The following FHIT variants were observed in gnomAD, a reference collection of about 807,000 sequenced individuals.
FHIT encodes fragile histidine triad diadenosine triphosphatase.
FHIT carries 19 observed loss-of-function variants against 17.9 expected under a neutral mutation model. The ratio of observed to expected loss-of-function variants is 1.06; its 90% CI spans 0.74 to 1.56. FHIT has a LOEUF of 1.56. Ranked by LOEUF, FHIT falls within the 40% of genes most tolerant of loss-of-function variation. The pLI, the probability that FHIT is intolerant of heterozygous loss-of-function variation, is 0.00. For missense variants in FHIT, 248 were observed against 189.2 expected, an observed-to-expected ratio of 1.31 and a Z score of -1.82; for synonymous variants, 81 against 69.7, an observed-to-expected ratio of 1.16 and a Z score of -0.81.
chr3:59,865,316 C>T (rs1229706818), intron 8 of FHIT, among the ~76,000 whole-genome samples: 2 of 152,228 alleles, frequency 1.3e-5, no homozygotes, highest in African/African-American at 4.8e-5. Flanking sequence ...AGTATTTAAA[C>T]ATAAATCCTT....
At chr3:61,183,222 T>C (rs1466963959) in intron 2 of FHIT, among the ~76,000 whole-genome samples, 4 of 152,106 alleles carry the variant, frequency 2.6e-5, no homozygotes, top group African/African-American at 7.2e-5. Context: ...AATTCTCTCA[T>C]CATCTTTCTA....
chr3:60,057,945 TGCACGGCAAACA>T (rs147549285), intron 5 of FHIT, among the ~76,000 whole-genome samples: 10,283 of 152,050 alleles, frequency 0.068, 717 homozygotes, highest in African/African-American at 0.18. Flanking sequence ...ACTGGTTTTC[TGCACGGCAAACA>T]GCAGGACCTA....
At chr3:60,541,718 G>T (rs1436035103) in intron 4 of FHIT, among the ~76,000 whole-genome samples, 1 of 152,188 alleles carries the variant, frequency 6.6e-6, no homozygotes, top group African/African-American at 2.4e-5. Flanking sequence ...TCCTAAAAAA[G>T]AGCTGGCTTG....
chr3:59,791,792 GGCTAT>G (rs1334721278), intron 8 of FHIT, among the ~76,000 whole-genome samples: 4 of 152,078 alleles, frequency 2.6e-5, no homozygotes, highest in Non-Finnish European at 4.4e-5. Flanking sequence ...TGTCAATAAG[GGCTAT>G]GTATCTTTTG....
chr3:59,983,459 C>G (rs1171034309), intron 7 of FHIT, among the ~76,000 whole-genome samples: 1 of 152,042 alleles, frequency 6.6e-6, no homozygotes. Flanking sequence ...TAACTTTGTA[C>G]TACAATATAT....
chr3:60,172,126 C>T (rs1045660950), intron 5 of FHIT, among the ~76,000 whole-genome samples: 6 of 152,074 alleles, frequency 3.9e-5, no homozygotes, highest in African/African-American at 1.2e-4. Flanking sequence ...CAACAAAAGG[C>T]GCATGGCTCT....
chr3:60,559,509 G>C (rs547569702), intron 4 of FHIT, among the ~76,000 whole-genome samples: 3 of 152,076 alleles, frequency 2.0e-5, no homozygotes, highest in Non-Finnish European at 4.4e-5. Context: ...CATTTAATAA[G>C]GTTTTTATTA....
At chr3:61,125,097 G>T (rs948906355) in intron 2 of FHIT, among the ~76,000 whole-genome samples, 1 of 152,192 alleles carries the variant, frequency 6.6e-6, no homozygotes, top group African/African-American at 2.4e-5. Context: ...ACAAAAGAAA[G>T]GTTTTTCCCT....
intron 5 of FHIT, among the ~76,000 whole-genome samples, chr3:60,086,306 T>A (rs536423874): frequency 6.6e-6 from 1 of 152,194 alleles, no homozygotes; most frequent in Admixed American, 6.5e-5. Flanking sequence ...CCTCCCATCA[T>A]TGGGGATCAA....
At chr3:59,914,616 T>C (rs1415895874) in intron 8 of FHIT, among the ~76,000 whole-genome samples, 1 of 152,214 alleles carries the variant, frequency 6.6e-6, no homozygotes, top group Non-Finnish European at 1.5e-5. Flanking sequence ...TGTATTAATT[T>C]TTATCTTCTG....
At chr3:60,587,025 C>A (rs941368234) in intron 4 of FHIT, among the ~76,000 whole-genome samples, 6 of 151,864 alleles carry the variant, frequency 4.0e-5, no homozygotes, top group Admixed American at 1.3e-4. Context: ...AACATCCTGC[C>A]TAGGATTACA....
intron 5 of FHIT, among the ~76,000 whole-genome samples, chr3:60,182,448 CA>C (rs1302040054): frequency 6.6e-6 from 1 of 152,130 alleles, no homozygotes; most frequent in African/African-American, 2.4e-5. Context: ...AGTCACTAGG[CA>C]AAATCTTGGT....
intron 2 of FHIT, among the ~76,000 whole-genome samples, chr3:61,192,110 A>G (rs2038735213): frequency 6.6e-6 from 1 of 152,172 alleles, no homozygotes; most frequent in Admixed American, 6.5e-5. Context: ...TCTTAGAACT[A>G]TGAAGGCAGC....
chr3:60,101,183 C>T (rs1186533274), intron 5 of FHIT, among the ~76,000 whole-genome samples: 1 of 152,226 alleles, frequency 6.6e-6, no homozygotes, highest in African/African-American at 2.4e-5. Flanking sequence ...AAATGTAAAG[C>T]AGGGAACCCT....
At chr3:60,528,929 T>G (rs12485617) in intron 5 of FHIT, among the ~76,000 whole-genome samples, 2 of 152,108 alleles carry the variant, frequency 1.3e-5, no homozygotes, top group Admixed American at 6.5e-5. Flanking sequence ...GTCATACTAA[T>G]TGTTACACAT....
chr3:60,862,328 G>T (rs1363555475), intron 3 of FHIT, among the ~76,000 whole-genome samples: 1 of 151,974 alleles, frequency 6.6e-6, no homozygotes, highest in African/African-American at 2.4e-5. Flanking sequence ...ACCATGCCCA[G>T]CTAATTTTTG....
chr3:60,067,525 TG>T (rs1342538745), intron 5 of FHIT, among the ~76,000 whole-genome samples: 1 of 152,012 alleles, frequency 6.6e-6, no homozygotes, highest in Non-Finnish European at 1.5e-5. Flanking sequence ...TGATGTACAA[TG>T]CAAAGGGCTT....
intron 5 of FHIT, among the ~76,000 whole-genome samples, chr3:60,349,155 A>T (rs1710949201): frequency 6.6e-6 from 1 of 152,240 alleles, no homozygotes; most frequent in African/African-American, 2.4e-5. Context: ...AACTAATAAA[A>T]AATTATTCAT....
chr3:61,042,233 T>C (rs2033553102), intron 2 of FHIT, 134 bp from the exon 3 acceptor site: 1 of 152,212 alleles, frequency 6.6e-6, no homozygotes, highest in South Asian at 2.1e-4. Context: ...CATTATTACA[T>C]TTTGGAGTCT....
Sources: allele counts gnomAD v4.1 joint callset (sites outside exome capture counted in the v4.1 genomes callset), GRCh38; gene constraint gnomAD v4.1.1; transcripts MANE v1.5; gene names NCBI Gene and HGNC (gene_info 2026-07-23, HGNC 2026-07-21).